FGD4: variants seen among roughly 807,000 people sequenced by gnomAD.
FGD4 encodes FYVE, RhoGEF and PH domain containing 4, also known as FYVE, RhoGEF and PH domain-containing protein 4.
In FGD4, 42 loss-of-function variants were observed where a neutral mutation model predicts 102.0. That is an observed-to-expected ratio of 0.41 (90% CI 0.32 to 0.53). FGD4 has a LOEUF of 0.53. FGD4 is among the 20% of genes least tolerant of loss of function. The pLI, the probability that FGD4 is intolerant of heterozygous loss-of-function variation, is 0.21. For missense variants in FGD4, 902 were observed against 1,078.2 expected (o/e 0.84, Z 2.29); for synonymous variants, 380 against 375.7 (o/e 1.01, Z -0.13).
intron 1 of FGD4, among the ~76,000 whole-genome samples, chr12:32,457,891 G>A (rs1295375858): frequency 6.6e-6 from 1 of 152,116 alleles, no homozygotes; most frequent in African/African-American, 2.4e-5. Flanking sequence ...AGGAGCTTGG[G>A]TGTGGAGTTC....
At chr12:32,400,034 C>T in intron 1 of FGD4, 75 bp downstream of exon 1, 1 of 1,398,130 alleles carries the variant, frequency 7.2e-7, no homozygotes, top group Non-Finnish European at 9.2e-7. Flanking sequence ...CAGCGCCCTG[C>T]AGGTGCGCCC....
chr12:32,524,595 T>C (rs1178872383), intron 1 of FGD4, among the ~76,000 whole-genome samples: 1 of 151,348 alleles, frequency 6.6e-6, no homozygotes, highest in Non-Finnish European at 1.5e-5. Flanking sequence ...GGGGCCAAGA[T>C]GGGAGGACCG....
chr12:32,413,330 T>A (rs112354086), intron 1 of FGD4, among the ~76,000 whole-genome samples: 1 of 152,242 alleles, frequency 6.6e-6, no homozygotes, highest in African/African-American at 2.4e-5. Context: ...TTTAACAAAA[T>A]GATCTTCGTT....
chr12:32,472,460 G>C (rs879055597), intron 1 of FGD4, among the ~76,000 whole-genome samples: 1 of 152,288 alleles, frequency 6.6e-6, no homozygotes, highest in South Asian at 2.1e-4. Flanking sequence ...GGGTGTACTG[G>C]GTCCCCCAGC....
rs542208127 is a variant in FGD4, at chr12:32,418,313, A to G, written c.166+18354A>G. Among the ~76,000 whole-genome samples the G allele has an allele frequency of 2.0e-5, 3 of 152,130 alleles. No homozygotes were observed. In the South Asian group the frequency reaches 6.2e-4, roughly 32 times the overall value. ...TTTCCTGGATGGTCTTCATCCTTGT[A>G]GATATTTGTCTATGTCTGGGCATTG... On this transcript the variant is annotated intron_variant, in intron 1 of 16. Transcript: ENST00000534526.
chr12:32,487,011 C>T (rs555449286), intron 1 of FGD4, among the ~76,000 whole-genome samples: 136 of 152,282 alleles, frequency 8.9e-4, no homozygotes, highest in African/African-American at 3.2e-3. Context: ...TGACCCCCAC[C>T]ATGTATCATT....
At position 32,399,702 on chromosome 12, in the gene FGD4, C is replaced by T. The variant is rs932543300; in HGVS notation, c.-92C>T. 1.1e-5 allele frequency: 16 copies of T among 1,475,148 alleles called. No homozygotes were observed. In the East Asian group the frequency reaches 4.3e-4, roughly 40 times the overall value. 91.4% of individuals were successfully genotyped at this position (1,475,148 alleles called of 1,614,324 possible). A position where few individuals can be genotyped will look rare whatever the true frequency, so the allele number is the denominator to read the frequency against. ...GTAGAGGGCGCCCCCGGAGTCGCGCCGAACCTGGGCATGCAGGCGACGCCC... is the reference window on the plus strand; with the variant it reads ...GTAGAGGGCGCCCCCGGAGTCGCGCTGAACCTGGGCATGCAGGCGACGCCC... On this transcript the variant is annotated 5_prime_UTR_variant, in exon 1 of 17. Coordinates refer to ENST00000534526, the MANE Select transcript of FGD4 (RefSeq NM_001370298.3).
intron 1 of FGD4, among the ~76,000 whole-genome samples, chr12:32,474,434 T>C (rs1041942707): frequency 6.6e-6 from 1 of 152,226 alleles, no homozygotes. Context: ...AAAGTACTCC[T>C]ACCTACAACA....
At chr12:32,453,382 C>T (rs1016672643) in intron 1 of FGD4, among the ~76,000 whole-genome samples, 9 of 151,290 alleles carry the variant, frequency 5.9e-5, no homozygotes, top group Non-Finnish European at 1.3e-4. Context: ...CACAGGTATG[C>T]GCCATCATGC....
chr12:32,423,334 G>A (rs1182389821), intron 1 of FGD4, among the ~76,000 whole-genome samples: 1 of 152,068 alleles, frequency 6.6e-6, no homozygotes, highest in Admixed American at 6.6e-5. Context: ...ACTCACACCT[G>A]TAATCCCAGC....
At chr12:32,464,087 G>C (rs549902625) in intron 1 of FGD4, among the ~76,000 whole-genome samples, 4 of 152,202 alleles carry the variant, frequency 2.6e-5, no homozygotes, top group Non-Finnish European at 5.9e-5. Flanking sequence ...TGTTTGCTAA[G>C]CACTTATTTG....
At position 32,643,947 on chromosome 12, in the gene FGD4, A is replaced by G. The variant is rs958927014; in HGVS notation, c.*3414A>G. The G allele has an allele frequency of 5.9e-5, 9 of 152,152 alleles. No individual in the cohort carries two copies. Among genetic ancestry groups the G allele is most frequent in the African/African-American group, 2.2e-4 (9 of 41,466 alleles). The allele number at this position is 152,152 out of a possible 1,614,324, so 9.4% of individuals were successfully genotyped here. A position where few individuals can be genotyped will look rare whatever the true frequency, so the allele number is the denominator to read the frequency against. ...TTCTGATGATCTTTCTGGACTAGATACAACCTGAGTAGCAAGCACCAACCG... is the reference window on the plus strand; with the variant it reads ...TTCTGATGATCTTTCTGGACTAGATGCAACCTGAGTAGCAAGCACCAACCG... On this transcript the variant is annotated 3_prime_UTR_variant, in exon 17 of 17. Transcript: ENST00000534526.
chr12:32,432,461 C>A (rs1377608890), intron 1 of FGD4, among the ~76,000 whole-genome samples: 1 of 151,748 alleles, frequency 6.6e-6, no homozygotes, highest in African/African-American at 2.4e-5. Flanking sequence ...ACTGAAAATA[C>A]AAAAGTTAGC....
chr12:32,459,381 A>T (rs780057969), intron 1 of FGD4, among the ~76,000 whole-genome samples: 44 of 151,788 alleles, frequency 2.9e-4, no homozygotes, highest in African/African-American at 1.1e-3. Context: ...TTTAGTAGAG[A>T]TGGGGTCTTG....
At chr12:32,599,451 G>A (rs1161682579) in intron 5 of FGD4, among the ~76,000 whole-genome samples, 1 of 92,132 alleles carries the variant, frequency 1.1e-5, no homozygotes, top group African/African-American at 6.1e-5. Context: ...CCGAGATCGC[G>A]CCACTAGCAC....
At chr12:32,476,040 C>G (rs1437171650) in intron 1 of FGD4, among the ~76,000 whole-genome samples, 1 of 152,108 alleles carries the variant, frequency 6.6e-6, no homozygotes, top group East Asian at 1.9e-4. Flanking sequence ...TCTTGGAATT[C>G]TCCTTAGTTG....
At chr12:32,401,846 C>T (rs1392312304) in intron 1 of FGD4, among the ~76,000 whole-genome samples, 1 of 150,670 alleles carries the variant, frequency 6.6e-6, no homozygotes, top group East Asian at 1.9e-4. Flanking sequence ...CCTGTCTCAG[C>T]CTCCCGAGTA....
intron 1 of FGD4, among the ~76,000 whole-genome samples, chr12:32,427,359 A>G (rs1275308523): frequency 6.6e-6 from 1 of 152,150 alleles, no homozygotes; most frequent in African/African-American, 2.4e-5. Flanking sequence ...TTCGGTTTCC[A>G]TGTAGTTGTG....
intron 11 of FGD4, among the ~76,000 whole-genome samples, chr12:32,621,660 A>G (rs1949850911): frequency 6.6e-6 from 1 of 152,206 alleles, no homozygotes; most frequent in Non-Finnish European, 1.5e-5. Flanking sequence ...AGAAACAGCC[A>G]GTTATTTGCT....
Sources: gnomAD v4.1 joint callset for allele counts (sites outside exome capture counted in the v4.1 genomes callset) on GRCh38, gnomAD v4.1.1 for gene constraint, MANE v1.5 for transcripts, NCBI Gene and HGNC (gene_info 2026-07-23, HGNC 2026-07-21) for gene names.